EVC2: variants seen among roughly 807,000 people sequenced by gnomAD.
EVC2 encodes limbin.
In EVC2, 148 loss-of-function variants were observed where a neutral mutation model predicts 149.3. The observed-to-expected ratio is 0.99, with a 90% CI of 0.87 to 1.14. The LOEUF (loss-of-function observed/expected upper bound fraction) is 1.14. EVC2 is among the 50% of genes most tolerant of loss of function. The pLI is 0.00. For synonymous variants in EVC2, 776 were observed against 649.9 expected (o/e 1.19, Z -2.95); for missense variants, 1,854 against 1,627.3 (o/e 1.14, Z -2.40).
intron 9 of EVC2, among the ~76,000 whole-genome samples, chr4:5,655,455 C>A (rs991071411): frequency 1.3e-5 from 2 of 152,138 alleles, no homozygotes; most frequent in African/African-American, 4.8e-5. Context: ...CCCGCTACCA[C>A]CCCTGTGTCC....
intron 7 of EVC2, among the ~76,000 whole-genome samples, chr4:5,666,497 T>C (rs910177165): frequency 4.6e-5 from 7 of 152,206 alleles, no homozygotes; most frequent in African/African-American, 1.2e-4. Context: ...CTTCCTTGTG[T>C]GACTTTTTGT....
At chr4:5,652,811 C>A (rs1718241100) in intron 9 of EVC2, among the ~76,000 whole-genome samples, 1 of 152,154 alleles carries the variant, frequency 6.6e-6, no homozygotes, top group South Asian at 2.1e-4. Flanking sequence ...AATGCAGCTC[C>A]CCAGGCCTGC....
chr4:5,574,989 C>T (rs149341601), intron 18 of EVC2, among the ~76,000 whole-genome samples: 39 of 152,262 alleles, frequency 2.6e-4, no homozygotes, highest in African/African-American at 8.4e-4. Context: ...AAGGAGGCTC[C>T]TCGAAGTGAA....
Position 5,576,150 on chromosome 4 carries a change from G to T in EVC2, c.3272+90C>A. 2 of 1,602,850 alleles carry T rather than the reference G, an allele frequency of 1.2e-6. No homozygotes were observed. Among genetic ancestry groups the T allele is most frequent in the Non-Finnish European group, 1.7e-6 (2 of 1,174,076 alleles). On this transcript the variant is annotated intron_variant, in intron 18 of 21. Coordinates refer to ENST00000344408, the MANE Select transcript of EVC2 (RefSeq NM_147127.5). This position sits in a 1 kb window ranked among gnomAD's most constrained non-coding sequence, Gnocchi z 4.5. The stretch of plus-strand genomic sequence containing the variant: ...CTTAGGCAAGAGGGTGAGAGCCCAG[G>T]TGGGTATGGGTGGGCTGAGTTGGAG...
intron 14 of EVC2, among the ~76,000 whole-genome samples, chr4:5,620,987 A>G (rs140050135): frequency 9.8e-5 from 15 of 152,358 alleles, no homozygotes; most frequent in Admixed American, 9.1e-4. Flanking sequence ...CTAAGAGAAG[A>G]CAGAATCTTG....
At chr4:5,647,253 T>C (rs1466311571) in intron 9 of EVC2, among the ~76,000 whole-genome samples, 1 of 152,136 alleles carries the variant, frequency 6.6e-6, no homozygotes, top group Non-Finnish European at 1.5e-5. Context: ...GTGTGCCCTG[T>C]AAGAGTCCTG....
intron 2 of EVC2, among the ~76,000 whole-genome samples, chr4:5,695,879 T>A (rs560844843): frequency 6.4e-4 from 98 of 152,270 alleles, no homozygotes; most frequent in African/African-American, 2.3e-3. Flanking sequence ...GGAAAAAAAC[T>A]AAAATCTGAT....
At chr4:5,600,552 G>T (rs964543649) in intron 16 of EVC2, among the ~76,000 whole-genome samples, 1 of 152,178 alleles carries the variant, frequency 6.6e-6, no homozygotes, top group Non-Finnish European at 1.5e-5. Flanking sequence ...TGGGGGAAAT[G>T]AGAGAGGAAA....
rs570247533 is a variant in EVC2 at position 5,613,602 on chromosome 4, T to C, written c.2829+1820A>G. ...CGCTTCTCTTTGGGACCCCAACTTC[T>C]GCTCTGCTTCCCTAGGGGTAGGCTG... On this transcript the variant is annotated intron_variant, in intron 16 of 21. Transcript: ENST00000344408. This position sits in a 1 kb window ranked among gnomAD's most constrained non-coding sequence, Gnocchi z 4.6. 3.9e-5 allele frequency among the ~76,000 whole-genome samples: 6 copies of C among 152,312 alleles called. No homozygotes were observed. Among genetic ancestry groups the C allele is most frequent in the African/African-American group, 1.4e-4 (6 of 41,582 alleles).
At chr4:5,660,698 TCTCTTTCA>T (rs1453913275) in intron 9 of EVC2, among the ~76,000 whole-genome samples, 1 of 152,146 alleles carries the variant, frequency 6.6e-6, no homozygotes, top group Non-Finnish European at 1.5e-5. Flanking sequence ...CCATCACAAG[TCTCTTTCA>T]CATCATTACA....
intron 1 of EVC2, among the ~76,000 whole-genome samples, chr4:5,700,024 C>A (rs1721729709): frequency 6.6e-6 from 1 of 151,966 alleles, no homozygotes; most frequent in Admixed American, 6.6e-5. Flanking sequence ...GCCTGAATCC[C>A]AGCTACTTGG....
At chr4:5,535,436 G>T in the EVC2 span, among the ~76,000 whole-genome samples, 1 of 152,092 alleles carries the variant, frequency 6.6e-6, no homozygotes, top group African/African-American at 2.4e-5. This position sits in a 1 kb window ranked among gnomAD's most constrained non-coding sequence, Gnocchi z 4.7. Context: ...TGAGTTACAG[G>T]CTTCTGCTTT....
In EVC2 at chr4:5,640,971, G is replaced by T. The variant is rs765054399; in HGVS notation, c.1146-133C>A. 2.0e-6 allele frequency: 2 copies of T among 989,582 alleles called. No homozygotes were observed. Among genetic ancestry groups the T allele is most frequent in the African/African-American group, 1.6e-5 (1 of 62,002 alleles). The allele number at this position is 989,582 out of a possible 1,614,324, so 61.3% of individuals were successfully genotyped here. On this transcript the variant is annotated intron_variant, in intron 9 of 21. Transcript: ENST00000344408. This position sits in a 1 kb window ranked among gnomAD's most constrained non-coding sequence, Gnocchi z 4.6. ...TCGTCTTCCTTTTCTTCCTTTCCCC[G>T]CTCACTTCTGCTTCATCCAGTTATT... is the stretch of plus-strand genomic sequence containing the variant.
chr4:5,627,577 T>C (rs928207744), intron 12 of EVC2, among the ~76,000 whole-genome samples: 2 of 152,216 alleles, frequency 1.3e-5, no homozygotes, highest in African/African-American at 2.4e-5. Flanking sequence ...AGCCGCTTTA[T>C]AGTCATGTCC....
At chr4:5,692,816 G>A (rs932866601) in intron 3 of EVC2, among the ~76,000 whole-genome samples, 33 of 141,834 alleles carry the variant, frequency 2.3e-4, no homozygotes, top group African/African-American at 7.5e-4. Context: ...GCAGTGAGCC[G>A]AGATTGCGCC....
intron 16 of EVC2, among the ~76,000 whole-genome samples, chr4:5,596,197 C>G (rs891421325): frequency 2.0e-5 from 3 of 152,158 alleles, no homozygotes; most frequent in African/African-American, 7.2e-5. Context: ...AGGAACTGAA[C>G]TCAGCTCTGC....
intron 1 of EVC2, among the ~76,000 whole-genome samples, chr4:5,699,642 C>CAAAAAAAAAAAA (rs773633372): frequency 1.8e-5 from 2 of 111,722 alleles, no homozygotes; most frequent in African/African-American, 7.1e-5. Context: ...TCCATCTCTA[C>CAAAAAAAAAAAA]AAAAAAAAAA....
In EVC2 at chr4:5,631,863, CT is replaced by C. The variant is rs2108851441; in HGVS notation, c.1639del (p.Ser547ValfsTer8). ...LHSIFFTQIK[S>X]AIFKGELKPE... is the part of the protein sequence containing the mutation. ...TTTCAATTCCCCTTTGAAAATAGCA[CT>C]TTTTATCTGGGTAAAAAAGATACTG... On this transcript the variant is annotated frameshift_variant, in exon 11 of 22. Transcript: ENST00000344408. LOFTEE classifies it high-confidence loss of function. The C allele has an allele frequency of 6.2e-7, 1 of 1,614,236 alleles. No individual in the cohort carries two copies. The highest frequency in any genetic ancestry group is 8.5e-7 in the Non-Finnish European group (1 of 1,180,038).
intron 21 of EVC2, among the ~76,000 whole-genome samples, chr4:5,553,247 G>C (rs934823763): frequency 6.6e-6 from 1 of 152,120 alleles, no homozygotes; most frequent in African/African-American, 2.4e-5. Flanking sequence ...TGGAGTTGGT[G>C]GGGGGTGGGT....
Sources: allele counts gnomAD v4.1 joint callset (sites outside exome capture counted in the v4.1 genomes callset), GRCh38; gene constraint gnomAD v4.1.1; non-coding constraint Gnocchi (gnomAD v3.1); transcripts MANE v1.5; gene names NCBI Gene and HGNC (gene_info 2026-07-23, HGNC 2026-07-21).